Variants in NR3C1 observed in about 807,000 individuals in gnomAD.
NR3C1 encodes glucocorticoid receptor.
A neutral mutation model predicts 74.0 loss-of-function variants in NR3C1; 14 were observed. The ratio of observed to expected loss-of-function variants is 0.19; its 90% CI spans 0.12 to 0.30. The LOEUF is 0.30. Ranked by LOEUF, NR3C1 falls within the 10% of genes least tolerant of loss-of-function variation. The probability of loss-of-function intolerance (pLI) is 1.00; values close to 1 mark genes in which losing one functional copy is unlikely to be tolerated. For missense variants in NR3C1, 695 were observed against 909.8 expected, an observed-to-expected ratio of 0.76 and a Z score of 3.04; for synonymous variants, 308 against 332.5, an observed-to-expected ratio of 0.93 and a Z score of 0.80.
chr5:143,309,291 T>C (rs921997082), intron 4 of NR3C1, among the ~76,000 whole-genome samples: 5 of 152,178 alleles, frequency 3.3e-5, no homozygotes, highest in African/African-American at 9.7e-5. Context: ...CAGGATGATC[T>C]TGATCTCTTG....
intron 2 of NR3C1, among the ~76,000 whole-genome samples, chr5:143,317,007 T>C (rs1276922120): frequency 6.6e-6 from 1 of 152,164 alleles, no homozygotes; most frequent in Non-Finnish European, 1.5e-5. Context: ...TCAATCAGGC[T>C]TTTGGCATCC....
At chr5:143,402,377 G>A (rs769073686) in intron 1 of NR3C1, among the ~76,000 whole-genome samples, 2 of 152,198 alleles carry the variant, frequency 1.3e-5, no homozygotes, top group South Asian at 2.1e-4. Context: ...GGTCTTAAGT[G>A]GTATTACAAG....
intron 2 of NR3C1, among the ~76,000 whole-genome samples, chr5:143,378,931 T>A (rs2963156): frequency 3.9e-5 from 6 of 151,972 alleles, no homozygotes; most frequent in Non-Finnish European, 5.9e-5. Context: ...TAGGATGGAC[T>A]ACAATTCTTT....
intron 2 of NR3C1, among the ~76,000 whole-genome samples, chr5:143,377,853 T>C (rs1011160176): frequency 2.6e-5 from 4 of 152,258 alleles, no homozygotes; most frequent in Admixed American, 2.0e-4. Flanking sequence ...TGTATTGATA[T>C]GAAATTAGCA....
At chr5:143,384,626 T>C (rs1836842730) in intron 2 of NR3C1, among the ~76,000 whole-genome samples, 1 of 152,150 alleles carries the variant, frequency 6.6e-6, no homozygotes, top group African/African-American at 2.4e-5. Context: ...ATCTTAAAAA[T>C]CCAAAATGAT....
intron 2 of NR3C1, among the ~76,000 whole-genome samples, chr5:143,361,807 A>G (rs764663039): frequency 2.4e-4 from 36 of 152,244 alleles, no homozygotes; most frequent in Non-Finnish European, 3.4e-4. Context: ...CATTTGTTCC[A>G]AAGTTGAACT....
chr5:143,373,819 C>G (rs1165322883), intron 2 of NR3C1, among the ~76,000 whole-genome samples: 3 of 151,930 alleles, frequency 2.0e-5, no homozygotes, highest in Non-Finnish European at 4.4e-5. Context: ...CAGCGAGCAC[C>G]AAAGGGAATA....
intron 2 of NR3C1, among the ~76,000 whole-genome samples, chr5:143,366,585 G>A (rs1045915008): frequency 6.7e-6 from 1 of 149,936 alleles, no homozygotes; most frequent in Non-Finnish European, 1.5e-5. Context: ...GAAAAAAAAG[G>A]AGAGAAGACT....
intron 2 of NR3C1, among the ~76,000 whole-genome samples, chr5:143,328,997 C>T (rs556910548): frequency 1.2e-4 from 19 of 152,270 alleles, no homozygotes; most frequent in African/African-American, 3.1e-4. Flanking sequence ...AAGTCACTTC[C>T]GCATTTTCAG....
chr5:143,335,496 T>C (rs1826954614), intron 2 of NR3C1, among the ~76,000 whole-genome samples: 1 of 152,190 alleles, frequency 6.6e-6, no homozygotes, highest in Non-Finnish European at 1.5e-5. Flanking sequence ...TTTAGACAAT[T>C]TAGAAAACAG....
intron 2 of NR3C1, among the ~76,000 whole-genome samples, chr5:143,328,810 A>G (rs753847973): frequency 2.0e-5 from 3 of 152,218 alleles, no homozygotes; most frequent in East Asian, 1.9e-4. Context: ...CCAGTTCCCA[A>G]TAAGTTCCTC....
chr5:143,373,700 G>T (rs981917052), intron 2 of NR3C1, among the ~76,000 whole-genome samples: 2 of 151,882 alleles, frequency 1.3e-5, no homozygotes, highest in Non-Finnish European at 2.9e-5. Context: ...GGGATATGTA[G>T]ATAGGTAGTA....
chr5:143,401,711 A>C (rs990541305), intron 1 of NR3C1, among the ~76,000 whole-genome samples: 32 of 152,370 alleles, frequency 2.1e-4, no homozygotes, highest in African/African-American at 6.0e-4. Context: ...TGAGATCCTC[A>C]ATATGAAATG....
At chr5:143,306,873 AATTTTTTTTTTTTTTTTTT>A (rs1819707470) in intron 4 of NR3C1, among the ~76,000 whole-genome samples, 1 of 134,016 alleles carries the variant, frequency 7.5e-6, no homozygotes, top group Non-Finnish European at 1.5e-5. Context: ...TGTATGCTTA[AATTTTTTTTTTTTTTTTTT>A]TTTTTTTTTT....
At position 143,279,580 on chromosome 5, in the gene NR3C1, ATTG is replaced by A. The variant is rs937786026; in HGVS notation, c.*2306_*2308del. 80 of 512,868 alleles carry A rather than the reference ATTG, an allele frequency of 1.6e-4. No homozygotes were observed. Among genetic ancestry groups the A allele is most frequent in the Non-Finnish European group, 2.4e-4 (78 of 321,760 alleles). The allele number at this position is 512,868 out of a possible 1,614,324, so 31.8% of individuals were successfully genotyped here. ...TTAGAGAGCATTCAAAAAGCAAATG[ATTG>A]TTTTTTTATTAAATAATTTCTCCAA... On this transcript the variant is annotated 3_prime_UTR_variant, in exon 9 of 9. Transcript: ENST00000394464.
At chr5:143,362,360 G>C (rs994385157) in intron 2 of NR3C1, among the ~76,000 whole-genome samples, 2 of 138,820 alleles carry the variant, frequency 1.4e-5, no homozygotes, top group African/African-American at 2.6e-5. Context: ...ATGAAGACTT[G>C]TTTTTTTTTT....
rs186554751 is a variant in NR3C1 at position 143,394,761 on chromosome 5, A to G, written c.1184+4895T>C. 1.1e-4 allele frequency among the ~76,000 whole-genome samples: 17 copies of G among 152,126 alleles called. No homozygotes were observed. In the East Asian group the frequency reaches 3.3e-3, roughly 29 times the overall value. ...CTGAAATAAAAGAAATTAAATTGTA[A>G]TTCTGATTGATGCATTCCCTTGTAC... On this transcript the variant is annotated intron_variant, in intron 2 of 8. Coordinates refer to ENST00000394464, the MANE Select transcript of NR3C1 (RefSeq NM_000176.3).
intron 2 of NR3C1, among the ~76,000 whole-genome samples, chr5:143,396,378 T>C (rs1453007138): frequency 2.0e-5 from 3 of 151,706 alleles, no homozygotes; most frequent in Admixed American, 6.6e-5. Context: ...ACCAGAAATA[T>C]TAAGCTTAAA....
At chr5:143,364,629 G>T (rs550725800) in intron 2 of NR3C1, among the ~76,000 whole-genome samples, 1 of 152,268 alleles carries the variant, frequency 6.6e-6, no homozygotes. Flanking sequence ...AGCACAGAGT[G>T]GAAGCAGAAG....
Sources: allele counts gnomAD v4.1 joint callset (sites outside exome capture counted in the v4.1 genomes callset), GRCh38; gene constraint gnomAD v4.1.1; transcripts MANE v1.5; gene names NCBI Gene and HGNC (gene_info 2026-07-23, HGNC 2026-07-21).